Variants in NRG1 observed in about 807,000 individuals in gnomAD.
The protein encoded by NRG1 is neuregulin 1.
NRG1 carries 18 observed loss-of-function variants against 63.8 expected under a neutral mutation model. The ratio of observed to expected loss-of-function variants is 0.28; its 90% CI spans 0.19 to 0.42. NRG1 has a LOEUF of 0.42. Among genes scored for constraint, NRG1 ranks in the 10% least tolerant of loss-of-function variants. NRG1 has a pLI of 1.00. For missense variants in NRG1, 762 were observed against 814.7 expected (o/e 0.94, Z 0.79); for synonymous variants, 302 against 301.3 (o/e 1.00, Z -0.02).
At chr8:32,480,073 G>A (rs193045377) in intron 1 of NRG1, among the ~76,000 whole-genome samples, 3 of 152,256 alleles carry the variant, frequency 2.0e-5, no homozygotes, top group Non-Finnish European at 2.9e-5. Flanking sequence ...AGGTGCAAAA[G>A]GATGAGAAGG....
chr8:31,782,063 C>G (rs1819739986), intron 1 of NRG1, among the ~76,000 whole-genome samples: 1 of 152,096 alleles, frequency 6.6e-6, no homozygotes, highest in Admixed American at 6.5e-5. Flanking sequence ...AAGGCTTTCA[C>G]TGCAATTGGT....
intron 6 of NRG1, among the ~76,000 whole-genome samples, chr8:32,732,769 T>TTATATTATATTATATTATATATATTATA (rs1824013876): frequency 6.6e-6 from 1 of 151,914 alleles, no homozygotes; most frequent in African/African-American, 2.4e-5. Flanking sequence ...ATACACCTGT[T>TTATATTATATTATATTATATATATTATA]TTAACAGACT....
chr8:31,689,079 G>A lies in NRG1; in HGVS notation c.37+49648G>A, dbSNP rs555579524. Among the ~76,000 whole-genome samples, 19 of 152,064 alleles carry A rather than the reference G, an allele frequency of 1.2e-4. No individual in the cohort carries two copies. The South Asian group carries it at 2.9e-3, about 23-fold the overall frequency. ...AAATCTCTATCTAACTCTCTCTTCC[G>A]CCTCCATCTTCCACTTCAAGAATCC... On this transcript the variant is annotated intron_variant, in intron 1 of 10. Transcript: ENST00000519301.
chr8:32,209,871 G>A (rs1231789017), intron 1 of NRG1, among the ~76,000 whole-genome samples: 3 of 152,098 alleles, frequency 2.0e-5, no homozygotes, highest in Non-Finnish European at 1.5e-5. Flanking sequence ...ACATGGAGAA[G>A]AAGCAAGGAA....
At chr8:31,696,680 G>A (rs189899407) in intron 1 of NRG1, among the ~76,000 whole-genome samples, 5 of 152,128 alleles carry the variant, frequency 3.3e-5, no homozygotes, top group Admixed American at 6.5e-5. Context: ...TTGTGTTCTT[G>A]TAGGTCTGTG....
chr8:32,293,130 A>AAAATG (rs1303055578), intron 1 of NRG1, among the ~76,000 whole-genome samples: 1 of 152,046 alleles, frequency 6.6e-6, no homozygotes, highest in East Asian at 1.9e-4. Context: ...AAAATAAAAT[A>AAAATG]AAGACTAAAA....
chr8:32,729,472 C>A (rs1163056697), intron 6 of NRG1, among the ~76,000 whole-genome samples: 1 of 152,170 alleles, frequency 6.6e-6, no homozygotes, highest in Non-Finnish European at 1.5e-5. Flanking sequence ...TATTCTAAAG[C>A]AGCAATGCTT....
Position 32,763,238 on chromosome 8 carries a change from T to A in NRG1, c.1260-510T>A, listed in dbSNP as rs779696694. On this transcript the variant is annotated intron_variant, in intron 11 of 11. Transcript: ENST00000356819. ...ATAAGACATAACCTTATAGCTGAGC[T>A]AAGGAGAAACAAGGCACACAGATCC... The A allele has an allele frequency of 1.9e-6, 3 of 1,614,066 alleles. No homozygotes were observed. In the East Asian group the frequency reaches 6.7e-5, roughly 36 times the overall value.
At chr8:32,561,909 T>G (rs1276892321) in intron 1 of NRG1, among the ~76,000 whole-genome samples, 2 of 152,094 alleles carry the variant, frequency 1.3e-5, no homozygotes, top group African/African-American at 4.8e-5. Context: ...TTTCCCCACA[T>G]TATAAGATTA....
chr8:32,022,477 A>G lies in NRG1; in HGVS notation c.37+383046A>G, dbSNP rs189548414. Among the ~76,000 whole-genome samples, 530 of 152,294 alleles carry G rather than the reference A, an allele frequency of 3.5e-3. 2 individuals carry two copies. Among genetic ancestry groups the G allele is most frequent in the African/African-American group, 0.012 (504 of 41,564 alleles). ...GTAATGCTGAAATTTTGATACTTAA[A>G]GGTAAATCTAGTATCAGAGAGCTCT... On this transcript the variant is annotated intron_variant, in intron 1 of 10. Transcript: ENST00000519301.
chr8:31,686,299 T>C (rs914940943), intron 1 of NRG1, among the ~76,000 whole-genome samples: 2 of 152,176 alleles, frequency 1.3e-5, no homozygotes, highest in African/African-American at 4.8e-5. Flanking sequence ...TTTATCAAAA[T>C]TGTCATGTCC....
chr8:31,875,944 T>A (rs1394568304), intron 1 of NRG1, among the ~76,000 whole-genome samples: 2 of 152,152 alleles, frequency 1.3e-5, no homozygotes, highest in Non-Finnish European at 2.9e-5. Context: ...GTTTGTGTTC[T>A]GGGAATCTGT....
chr8:32,632,416 G>C (rs528487936), intron 5 of NRG1, among the ~76,000 whole-genome samples: 1 of 152,042 alleles, frequency 6.6e-6, no homozygotes, highest in East Asian at 1.9e-4. Flanking sequence ...GGGCGTGGTG[G>C]TGCATGCCTG....
chr8:32,344,421 G>GCA (rs1804578468), intron 1 of NRG1, among the ~76,000 whole-genome samples: 1 of 11,690 alleles, frequency 8.6e-5, no homozygotes, highest in Non-Finnish European at 3.7e-4. Flanking sequence ...GTGCATGCAT[G>GCA]TGTGTGTGTG....
At chr8:32,350,841 G>T (rs939676362) in intron 1 of NRG1, among the ~76,000 whole-genome samples, 1 of 152,078 alleles carries the variant, frequency 6.6e-6, no homozygotes, top group African/African-American at 2.4e-5. Flanking sequence ...TTGATTTGTT[G>T]ATTTTTTGAG....
At chr8:31,823,809 T>A (rs975375284) in intron 1 of NRG1, among the ~76,000 whole-genome samples, 1 of 152,160 alleles carries the variant, frequency 6.6e-6, no homozygotes, top group African/African-American at 2.4e-5. Context: ...TTCATGAAAA[T>A]CTTCATATAG....
intron 1 of NRG1, among the ~76,000 whole-genome samples, chr8:32,242,582 A>G (rs1848215661): frequency 6.6e-6 from 1 of 152,276 alleles, no homozygotes; most frequent in South Asian, 2.1e-4. Context: ...GAGGGTAGAG[A>G]TGACTGTGAT....
intron 5 of NRG1, among the ~76,000 whole-genome samples, chr8:32,676,098 T>A (rs1361758706): frequency 2.0e-5 from 3 of 152,146 alleles, no homozygotes; most frequent in Non-Finnish European, 4.4e-5. Context: ...AACAGATGAG[T>A]GTTGCCATGG....
At chr8:32,760,514 G>A (rs778904584) in intron 11 of NRG1, 108 bp downstream of exon 11, 50 of 1,540,724 alleles carry the variant, frequency 3.2e-5, no homozygotes, top group South Asian at 1.8e-4. Context: ...AATAAGGGGC[G>A]GCAGTTACCT....
Sources: allele counts gnomAD v4.1 joint callset (sites outside exome capture counted in the v4.1 genomes callset), GRCh38; gene constraint gnomAD v4.1.1; transcripts MANE v1.5; gene names NCBI Gene and HGNC (gene_info 2026-07-23, HGNC 2026-07-21).